The following RIMBP2 variants were observed in gnomAD, a reference collection of about 807,000 sequenced individuals.
RIMBP2 encodes RIMS binding protein 2, also known as RIMS-binding protein 2.
Under a neutral mutation model 118.6 loss-of-function variants are expected in RIMBP2, and 48 were observed. The observed-to-expected ratio is 0.40, with a 90% CI of 0.32 to 0.51. RIMBP2 has a LOEUF of 0.51. Ranked by LOEUF, RIMBP2 falls within the 20% of genes least tolerant of loss-of-function variation. RIMBP2 has a pLI of 0.41. For missense variants in RIMBP2, 1,551 were observed against 1,768.3 expected, an observed-to-expected ratio of 0.88 and a Z score of 2.20; for synonymous variants, 762 against 742.9, an observed-to-expected ratio of 1.03 and a Z score of -0.42.
At chr12:130,672,829 G>C (rs1282315689) in intron 1 of RIMBP2, among the ~76,000 whole-genome samples, 1 of 152,146 alleles carries the variant, frequency 6.6e-6, no homozygotes, top group Non-Finnish European at 1.5e-5. Context: ...TTTGCACTTT[G>C]GGTTGTTAAC....
At position 130,625,766 on chromosome 12, in the gene RIMBP2, C is replaced by G. The variant is rs904677410; in HGVS notation, c.-217+2556G>C. On this transcript the variant is annotated intron_variant, in intron 2 of 22. Coordinates refer to ENST00000690449, the MANE Select transcript of RIMBP2 (RefSeq NM_001393629.1). ...CATCACTCCACTCTAGCTTCCAACC[C>G]CAGAATGACCAAAATTTAAAAATAT... Among the ~76,000 whole-genome samples the G allele has an allele frequency of 2.6e-5, 4 of 152,228 alleles. No homozygotes were observed. The East Asian group carries it at 5.8e-4, about 22-fold the overall frequency.
At chr12:130,587,923 T>C (rs2140284919) in intron 2 of RIMBP2, among the ~76,000 whole-genome samples, 2 of 151,800 alleles carry the variant, frequency 1.3e-5, no homozygotes, top group Middle Eastern at 6.9e-3. Flanking sequence ...CCCCACACAC[T>C]GTTCTGCACC....
intron 2 of RIMBP2, among the ~76,000 whole-genome samples, chr12:130,615,579 T>G (rs2060880743): frequency 1.3e-5 from 2 of 152,046 alleles, no homozygotes; most frequent in Admixed American, 6.5e-5. Flanking sequence ...CCCAAAGTGC[T>G]GGGATTATAG....
intron 2 of RIMBP2, among the ~76,000 whole-genome samples, chr12:130,612,164 C>CA (rs1188211623): frequency 6.6e-6 from 1 of 151,966 alleles, no homozygotes; most frequent in Non-Finnish European, 1.5e-5. Context: ...AGGTGACCTC[C>CA]AAGGAGAGCA....
intron 6 of RIMBP2, among the ~76,000 whole-genome samples, chr12:130,461,178 C>G (rs764748700): frequency 6.6e-6 from 1 of 152,192 alleles, no homozygotes; most frequent in Admixed American, 6.5e-5. Flanking sequence ...TCTCTCGAGG[C>G]GGCTGCAGAG....
intron 2 of RIMBP2, among the ~76,000 whole-genome samples, chr12:130,560,645 C>A (rs12809631): frequency 0.23 from 34,449 of 152,160 alleles, 3,875 homozygotes; most frequent in Middle Eastern, 0.31. Context: ...CTTTCCATGG[C>A]CCCATGTTCA....
intron 2 of RIMBP2, among the ~76,000 whole-genome samples, chr12:130,572,952 T>C (rs1566286624): frequency 6.6e-6 from 1 of 151,606 alleles, no homozygotes; most frequent in South Asian, 2.1e-4. Flanking sequence ...AGGGCATCCT[T>C]CCCCCCGGGG....
chr12:130,639,998 A>G (rs11831450), intron 1 of RIMBP2, among the ~76,000 whole-genome samples: 8,264 of 152,108 alleles, frequency 0.054, 440 homozygotes, highest in African/African-American at 0.14. Flanking sequence ...AGGAAGTCTA[A>G]CCCTGTGGGG....
In RIMBP2 at chr12:130,581,467, G is replaced by A. The variant is rs1283936651; in HGVS notation, c.-217+46855C>T. Among the ~76,000 whole-genome samples the A allele has an allele frequency of 1.3e-5, 2 of 152,178 alleles. No homozygotes were observed. Among genetic ancestry groups the A allele is most frequent in the African/African-American group, 4.8e-5 (2 of 41,460 alleles). On this transcript the variant is annotated intron_variant, in intron 2 of 22. Coordinates refer to ENST00000690449, the MANE Select transcript of RIMBP2 (RefSeq NM_001393629.1). This position sits in a 1 kb window ranked among gnomAD's most constrained non-coding sequence, Gnocchi z 4.4. ...CTCACCCCCACTGCCCACCCAGCCT[G>A]TCCCAGTGGAGGTCTCAGAGGCATC...
chr12:130,465,622 G>A (rs569348780), intron 6 of RIMBP2: 1 of 152,220 alleles, frequency 6.6e-6, no homozygotes, highest in Non-Finnish European at 1.5e-5. Flanking sequence ...TCTGTGCCCC[G>A]ATTGCCTAAT....
chr12:130,503,155 G>C (rs2049960752), intron 4 of RIMBP2, among the ~76,000 whole-genome samples: 1 of 151,970 alleles, frequency 6.6e-6, no homozygotes, highest in Non-Finnish European at 1.5e-5. Flanking sequence ...ACTTTGGGAG[G>C]CCAAGGTGAA....
At position 130,446,227 on chromosome 12, in the gene RIMBP2, T is replaced by C. The variant is rs2078512735; in HGVS notation, c.582-958A>G. The stretch of plus-strand genomic sequence containing the variant: ...TTAAAAAATGAAAATAACATTAGAG[T>C]TGGAGAAGATAGCCAGACACTGTAA... On this transcript the variant is annotated intron_variant, in intron 9 of 22. Coordinates refer to ENST00000690449, the MANE Select transcript of RIMBP2 (RefSeq NM_001393629.1). The surrounding 1 kb of genome is among the most constrained non-coding windows in gnomAD (Gnocchi z 4.1). Among the ~76,000 whole-genome samples, 1 of 152,006 alleles carries C rather than the reference T, an allele frequency of 6.6e-6. No individual in the cohort carries two copies. Among genetic ancestry groups the C allele is most frequent in the East Asian group, 1.9e-4 (1 of 5,194 alleles).
At chr12:130,564,015 TACAA>T (rs1278364390) in intron 2 of RIMBP2, among the ~76,000 whole-genome samples, 27 of 150,832 alleles carry the variant, frequency 1.8e-4, no homozygotes, top group African/African-American at 6.5e-4. Flanking sequence ...GCTGTTCCTA[TACAA>T]GTCAGGCAGT....
intron 1 of RIMBP2, among the ~76,000 whole-genome samples, chr12:130,664,302 G>A (rs4759748): frequency 0.53 from 80,436 of 150,640 alleles, 22,672 homozygotes; most frequent in Non-Finnish European, 0.62. Context: ...TGGATTTGAA[G>A]GCATCAAATA....
At chr12:130,522,424 T>G (rs1254811918) in intron 2 of RIMBP2, among the ~76,000 whole-genome samples, 6 of 152,200 alleles carry the variant, frequency 3.9e-5, no homozygotes, top group Non-Finnish European at 8.8e-5. Context: ...CTGTCCCTCC[T>G]GCGGGTGCCA....
At chr12:130,428,075 A>G in intron 15 of RIMBP2, 104 bp downstream of exon 15, 1 of 1,101,722 alleles carries the variant, frequency 9.1e-7, no homozygotes, top group South Asian at 1.7e-5. Context: ...TACTGGTTGT[A>G]GGGCAAGGCC....
intron 2 of RIMBP2, among the ~76,000 whole-genome samples, chr12:130,535,757 A>G (rs1478014233): frequency 4.2e-4 from 23 of 54,580 alleles, no homozygotes; most frequent in Admixed American, 7.1e-4. Context: ...ATATATATAT[A>G]TATATATATA....
intron 2 of RIMBP2, among the ~76,000 whole-genome samples, chr12:130,535,688 C>T (rs71468435): frequency 1.5e-5 from 2 of 135,544 alleles, no homozygotes; most frequent in East Asian, 2.2e-4. Flanking sequence ...TATATATACA[C>T]ATATACATAT....
At chr12:130,437,434 T>C (rs1266862835) in intron 12 of RIMBP2, 143 bp from the exon 13 acceptor site, 3 of 694,240 alleles carry the variant, frequency 4.3e-6, no homozygotes, top group African/African-American at 1.8e-5. Flanking sequence ...CCGCCAGGTA[T>C]GGAAGCTCCA....
Sources: gnomAD v4.1 joint callset for allele counts (sites outside exome capture counted in the v4.1 genomes callset) on GRCh38, gnomAD v4.1.1 for gene constraint, Gnocchi (gnomAD v3.1) non-coding constraint, MANE v1.5 for transcripts, NCBI Gene and HGNC (gene_info 2026-07-23, HGNC 2026-07-21) for gene names.